ITK: variants seen among roughly 807,000 people sequenced by gnomAD.
ITK encodes the protein IL2 inducible T cell kinase, also known as tyrosine-protein kinase ITK/TSK.
In ITK, 45 loss-of-function variants were observed where a neutral mutation model predicts 87.6. That is an observed-to-expected ratio of 0.51 (90% CI 0.40 to 0.66). ITK has a LOEUF of 0.66. Among genes scored for constraint, ITK ranks in the 30% least tolerant of loss-of-function variants. The probability of loss-of-function intolerance (pLI) is 0.00; values close to 1 mark genes in which losing one functional copy is unlikely to be tolerated. For synonymous variants in ITK, 303 were observed against 273.6 expected (o/e 1.11, Z -1.06); for missense variants, 605 against 766.3 (o/e 0.79, Z 2.48).
At chr5:157,225,524 C>T (rs1294375589) in intron 6 of ITK, among the ~76,000 whole-genome samples, 1 of 151,744 alleles carries the variant, frequency 6.6e-6, no homozygotes, top group Non-Finnish European at 1.5e-5. Context: ...CTTTTACATA[C>T]ACCAGAATTT....
rs773363140 is a variant in ITK, at chr5:157,246,051, T to C, written c.1633+52T>C. On this transcript the variant is annotated intron_variant, in intron 15 of 16. Transcript: ENST00000422843. ...CCCATGATCTGGGCTTCAGGCCAGC[T>C]GTTTCCTTTATCAAATGCAGACAAC... The C allele has an allele frequency of 2.4e-6, 3 of 1,253,764 alleles. 1 individual carries two copies. Among genetic ancestry groups the C allele is most frequent in the South Asian group, 2.4e-5 (2 of 83,696 alleles). The allele number at this position is 1,253,764 out of a possible 1,614,324, so 77.7% of individuals were successfully genotyped here. A position where few individuals can be genotyped will look rare whatever the true frequency, so the allele number is the denominator to read the frequency against.
At chr5:157,220,616 C>T (rs1754395610) in intron 5 of ITK, among the ~76,000 whole-genome samples, 1 of 152,116 alleles carries the variant, frequency 6.6e-6, no homozygotes, top group Non-Finnish European at 1.5e-5. Flanking sequence ...GATCCTCATT[C>T]CTTTCATGCC....
chr5:157,214,751 ATG>A (rs1314313733), intron 4 of ITK, among the ~76,000 whole-genome samples: 1 of 152,202 alleles, frequency 6.6e-6, no homozygotes, highest in Non-Finnish European at 1.5e-5. Flanking sequence ...TAAAATATTT[ATG>A]TCTTACAGTG....
At chr5:157,189,709 G>T (rs905284198) in intron 1 of ITK, among the ~76,000 whole-genome samples, 1 of 152,110 alleles carries the variant, frequency 6.6e-6, no homozygotes, top group Non-Finnish European at 1.5e-5. Context: ...AAGAAGAAGA[G>T]CTCAGTTTCT....
chr5:157,194,270 A>T (rs1753810344), intron 1 of ITK, among the ~76,000 whole-genome samples: 1 of 152,078 alleles, frequency 6.6e-6, no homozygotes, highest in Non-Finnish European at 1.5e-5. Context: ...GACTTTGCAG[A>T]GTGTGTTTCC....
intron 2 of ITK, 140 bp from the exon 3 acceptor site, chr5:157,211,147 A>G: frequency 4.1e-6 from 3 of 726,824 alleles, no homozygotes; most frequent in East Asian, 2.6e-5. Context: ...GATAAAAAGG[A>G]TACTGGCCCC....
intron 8 of ITK, among the ~76,000 whole-genome samples, chr5:157,235,754 T>C (rs1754763532): frequency 6.6e-6 from 1 of 152,262 alleles, no homozygotes. Context: ...CTATGAATTA[T>C]CAGTCCATCT....
At chr5:157,211,527 C>A (rs370803310) in intron 3 of ITK, 159 bp downstream of exon 3, 19 of 672,426 alleles carry the variant, frequency 2.8e-5, no homozygotes, top group East Asian at 1.4e-4. Context: ...GCCCAGGAAG[C>A]AATAACTGGT....
intron 5 of ITK, 75 bp downstream of exon 5, chr5:157,217,982 C>T: frequency 1.6e-6 from 2 of 1,262,130 alleles, no homozygotes; most frequent in Non-Finnish European, 2.3e-6. Flanking sequence ...TTTGCATGTC[C>T]CCCTCTCCCC....
chr5:157,194,189 A>G (rs1753808096), intron 1 of ITK, among the ~76,000 whole-genome samples: 1 of 152,088 alleles, frequency 6.6e-6, no homozygotes, highest in Admixed American at 6.6e-5. Flanking sequence ...AGGTAATTCT[A>G]CTTACCTTCA....
chr5:157,196,706 A>C (rs1298376380), intron 1 of ITK, among the ~76,000 whole-genome samples: 1 of 152,218 alleles, frequency 6.6e-6, no homozygotes, highest in Non-Finnish European at 1.5e-5. Context: ...CAATCAATTA[A>C]CAGATATTAA....
chr5:157,245,696 T>C (rs1407922645), intron 13 of ITK, 30 bp from the exon 14 acceptor site: 2 of 1,599,848 alleles, frequency 1.3e-6, no homozygotes, highest in Middle Eastern at 1.7e-4. Context: ...AGTTTTCCTC[T>C]CCGCCTTTGT....
chr5:157,248,305 C>T (rs775211441), intron 15 of ITK, among the ~76,000 whole-genome samples: 3 of 152,152 alleles, frequency 2.0e-5, no homozygotes, highest in Non-Finnish European at 2.9e-5. Flanking sequence ...GGGATTAAAT[C>T]AGAGGTCAAA....
chr5:157,248,824 T>C lies in ITK; in HGVS notation c.1634-26T>C, dbSNP rs759719002. 1.7e-5 allele frequency: 28 copies of C among 1,613,774 alleles called. No individual in the cohort carries two copies. In the South Asian group the frequency reaches 3.0e-4, roughly 17 times the overall value. ...GCTGTCTGTGGGCTTTGTCATTCAC[T>C]GTGCTGTGCTCACCATTTCTTGTAG... is the stretch of plus-strand genomic sequence containing the variant. On this transcript the variant is annotated intron_variant, in intron 15 of 16. Coordinates refer to ENST00000422843, the MANE Select transcript of ITK (RefSeq NM_005546.4).
chr5:157,217,778 T>A (rs1321468988), intron 4 of ITK, 89 bp from the exon 5 acceptor site: 6 of 1,158,742 alleles, frequency 5.2e-6, no homozygotes, highest in African/African-American at 1.5e-5. Context: ...TGGGCCCTTT[T>A]TCTCAGAAAA....
intron 1 of ITK, among the ~76,000 whole-genome samples, chr5:157,203,075 T>C (rs1028452586): frequency 5.3e-5 from 8 of 152,162 alleles, no homozygotes; most frequent in Non-Finnish European, 8.8e-5. Flanking sequence ...CTGTTCGACT[T>C]TTTGGTCTCT....
chr5:157,248,865 A>G lies in ITK; in HGVS notation c.1649A>G (p.Glu550Gly). The change falls in exon 16 of 17, where the codon GAA becomes GGA. Residue 550 changes from glutamate to glycine, a missense_variant. By Grantham distance (98) the Glu-to-Gly change is moderately conservative (BLOSUM62 -2). This residue lies in a region of ITK where 70 missense variants were observed against 122.5 expected (regional missense o/e 0.57). Coordinates refer to ENST00000422843, the MANE Select transcript of ITK (RefSeq NM_005546.4). ...DVWSFGVLMWEVFSEGKIPYE... is the reference protein window; with the variant it reads ...DVWSFGVLMWGVFSEGKIPYE... Reference sequence around the variant, plus strand: ...TTTCTTGTAGGTGTGCTGATGTGGGAAGTTTTCAGTGAAGGCAAAATCCCG... The same window carrying G: ...TTTCTTGTAGGTGTGCTGATGTGGGGAGTTTTCAGTGAAGGCAAAATCCCG... 1 of 1,613,942 alleles carries G rather than the reference A, an allele frequency of 6.2e-7. No homozygotes were observed. The highest frequency in any genetic ancestry group is 8.5e-7 in the Non-Finnish European group (1 of 1,179,864).
intron 1 of ITK, among the ~76,000 whole-genome samples, chr5:157,187,311 T>C (rs1241766626): frequency 6.6e-6 from 1 of 152,246 alleles, no homozygotes; most frequent in Non-Finnish European, 1.5e-5. Flanking sequence ...TTGATAAAGA[T>C]GGCCTTGCCA....
chr5:157,252,574 A>C, intron 16 of ITK, 33 bp from the exon 17 acceptor site: 1 of 1,549,738 alleles, frequency 6.5e-7, no homozygotes, highest in Non-Finnish European at 8.9e-7. Context: ...CATAAGTACA[A>C]GGAACTTACA....
Sources: allele counts gnomAD v4.1 joint callset (sites outside exome capture counted in the v4.1 genomes callset), GRCh38; gene constraint gnomAD v4.1.1; regional missense constraint gnomAD v4.1.1; transcripts MANE v1.5; gene names NCBI Gene and HGNC (gene_info 2026-07-23, HGNC 2026-07-21).